SMCHD1: variants seen among roughly 807,000 people sequenced by gnomAD.
The protein encoded by SMCHD1 is structural maintenance of chromosomes flexible hinge domain-containing protein 1.
In SMCHD1, 78 loss-of-function variants were observed where a neutral mutation model predicts 254.7. The observed-to-expected ratio is 0.31, with a 90% CI of 0.26 to 0.37. SMCHD1 has a LOEUF of 0.37. Among genes scored for constraint, SMCHD1 ranks in the 10% least tolerant of loss-of-function variants. The pLI, the probability that SMCHD1 is intolerant of heterozygous loss-of-function variation, is 1.00. For synonymous variants in SMCHD1, 766 were observed against 794.9 expected (o/e 0.96, Z 0.61); for missense variants, 1,840 against 2,408.1 (o/e 0.76, Z 4.94).
chr18:2,753,155 G>C (rs1045245715), intron 34 of SMCHD1: 2 of 152,234 alleles, frequency 1.3e-5, no homozygotes, highest in Admixed American at 1.3e-4. Context: ...CTCCTGATTT[G>C]GTCTTATTTA....
chr18:2,664,003 C>T (rs1263388565), intron 1 of SMCHD1, among the ~76,000 whole-genome samples: 2 of 152,168 alleles, frequency 1.3e-5, no homozygotes, highest in Non-Finnish European at 2.9e-5. Flanking sequence ...GTTTGAGCCA[C>T]CGCGCCCGGC....
intron 5 of SMCHD1, among the ~76,000 whole-genome samples, chr18:2,681,810 A>G (rs2073936528): frequency 6.6e-6 from 1 of 152,048 alleles, no homozygotes. Context: ...TGCACTTTCA[A>G]CTTGCCCATC....
intron 4 of SMCHD1, 41 bp downstream of exon 4, chr18:2,673,404 T>G: frequency 7.5e-7 from 1 of 1,337,182 alleles, no homozygotes; most frequent in Non-Finnish European, 1.0e-6. Context: ...CTTTTCCTTT[T>G]GTAAGAGTAA....
Position 2,769,790 on chromosome 18 carries a change from C to T in SMCHD1, c.4816C>T (p.Pro1606Ser). The change falls in exon 38 of 48, where the codon CCA (proline) becomes TCA (serine). Residue 1606 changes from proline (P) to serine (S), a missense_variant. This residue lies in a region of SMCHD1 where 881 missense variants were observed against 1,009.5 expected (regional missense o/e 0.87). Coordinates refer to ENST00000320876, the MANE Select transcript of SMCHD1 (RefSeq NM_015295.3). ...RLPLLSRTLE[P>S]YILPFMFYND... Reference sequence around the variant, plus strand: ...ACCACTTTTATCAAGAACCTTAGAACCATATATCCTACCGTTCATGTTTTA... The same window carrying T: ...ACCACTTTTATCAAGAACCTTAGAATCATATATCCTACCGTTCATGTTTTA... 1.2e-6 allele frequency: 2 copies of T among 1,605,114 alleles called. No individual in the cohort carries two copies. Among genetic ancestry groups the T allele is most frequent in the South Asian group, 1.1e-5 (1 of 89,816 alleles).
chr18:2,740,947 G>A lies in SMCHD1; in HGVS notation c.3633+126G>A, dbSNP rs1216928082. ...GTTTTTAAATTGAAAAGTCATAAAA[G>A]GCATTTTAAAAACTTGAAAAAGTTT... On this transcript the variant is annotated intron_variant, in intron 28 of 47. Coordinates refer to ENST00000320876, the MANE Select transcript of SMCHD1 (RefSeq NM_015295.3). The A allele has an allele frequency of 2.7e-5, 15 of 565,518 alleles. No individual in the cohort carries two copies. In the East Asian group the frequency reaches 3.8e-4, roughly 14 times the overall value. The allele number at this position is 565,518 out of a possible 1,614,324, so 35.0% of individuals were successfully genotyped here.
intron 24 of SMCHD1, among the ~76,000 whole-genome samples, 173 bp downstream of exon 24, chr18:2,729,582 ATT>A (rs1332217990): frequency 6.6e-6 from 1 of 152,258 alleles, no homozygotes; most frequent in East Asian, 1.9e-4. Context: ...CTATTTTAAC[ATT>A]TTGTGTCAAA....
intron 3 of SMCHD1, among the ~76,000 whole-genome samples, chr18:2,671,936 A>C (rs1395217008): frequency 6.6e-6 from 1 of 151,992 alleles, no homozygotes; most frequent in East Asian, 1.9e-4. Context: ...AACTGATCCA[A>C]GCCTTAACTG....
rs151260436 is a variant in SMCHD1 at position 2,776,955 on chromosome 18, A to G, written c.5367-851A>G. Reference sequence around the variant, plus strand: ...TTGCCCAGGCTGGAGTGCAGTGGCTACTCACAGGCACAGTCATAGCTCACT... The same window carrying G: ...TTGCCCAGGCTGGAGTGCAGTGGCTGCTCACAGGCACAGTCATAGCTCACT... On this transcript the variant is annotated intron_variant, in intron 42 of 47. Transcript: ENST00000320876. Among the ~76,000 whole-genome samples, 313 of 152,016 alleles carry G rather than the reference A, an allele frequency of 2.1e-3. 1 individual carries two copies. Among genetic ancestry groups the G allele is most frequent in the African/African-American group, 7.0e-3 (291 of 41,446 alleles).
At chr18:2,729,200 T>G in intron 23 of SMCHD1, 75 bp from the exon 24 acceptor site, 1 of 1,223,134 alleles carries the variant, frequency 8.2e-7, no homozygotes, top group East Asian at 2.9e-5. Flanking sequence ...CTGAATTATT[T>G]GAAACTTTGA....
rs551110847 is a variant in SMCHD1 at position 2,758,379 on chromosome 18, C to CTTAA, written c.4347-2272_4347-2269dup. Among the ~76,000 whole-genome samples the CTTAA allele has an allele frequency of 2.6e-5, 4 of 152,178 alleles. No individual in the cohort carries two copies. The South Asian group carries it at 8.3e-4, about 32-fold the overall frequency. On this transcript the variant is annotated intron_variant, in intron 34 of 47. Transcript: ENST00000320876. ...GTAACAATTTGTATTTTTTTACCTT[C>CTTAA]TTAAGCAGTGCATGGATCTTAGAAC...
intron 19 of SMCHD1, among the ~76,000 whole-genome samples, chr18:2,719,763 A>C (rs1238307466): frequency 7.1e-6 from 1 of 140,842 alleles, no homozygotes; most frequent in Non-Finnish European, 1.6e-5. Flanking sequence ...GCAACCTCTG[A>C]CTCCCAGTTT....
At chr18:2,687,721 A>G (rs2074084086) in intron 5 of SMCHD1, among the ~76,000 whole-genome samples, 1 of 151,820 alleles carries the variant, frequency 6.6e-6, no homozygotes, top group African/African-American at 2.4e-5. Flanking sequence ...CCACTTTGAT[A>G]TTTTCAGTTT....
intron 17 of SMCHD1, among the ~76,000 whole-genome samples, chr18:2,711,043 C>T (rs1013655618): frequency 3.9e-5 from 6 of 152,110 alleles, no homozygotes; most frequent in Admixed American, 2.0e-4. Flanking sequence ...GCGGCACAGT[C>T]GTGGCTTACT....
chr18:2,711,000 G>A (rs939347708), intron 17 of SMCHD1, among the ~76,000 whole-genome samples: 7 of 151,584 alleles, frequency 4.6e-5, no homozygotes, highest in Non-Finnish European at 1.0e-4. Flanking sequence ...TTTTTGAGAC[G>A]GGTTCTCACT....
intron 19 of SMCHD1, among the ~76,000 whole-genome samples, chr18:2,719,643 A>T (rs569741069): frequency 6.8e-6 from 1 of 148,090 alleles, no homozygotes; most frequent in Non-Finnish European, 1.5e-5. Context: ...CCCAGGCTGG[A>T]GTGCAGTGGT....
At chr18:2,698,251 C>T (rs1239184650) in intron 10 of SMCHD1, among the ~76,000 whole-genome samples, 1 of 152,094 alleles carries the variant, frequency 6.6e-6, no homozygotes, top group African/African-American at 2.4e-5. Context: ...CTTTAATGAA[C>T]TCTTCTTTTA....
At chr18:2,766,618 G>GT (rs2075873590) in intron 37 of SMCHD1, among the ~76,000 whole-genome samples, 1 of 152,180 alleles carries the variant, frequency 6.6e-6, no homozygotes. Flanking sequence ...CACAACCAAT[G>GT]TTTGTAAATG....
Position 2,697,685 on chromosome 18 carries a change from A to G in SMCHD1, c.1132-146A>G, listed in dbSNP as rs62084202. On this transcript the variant is annotated intron_variant, in intron 9 of 47. Transcript: ENST00000320876. ...GATGCTACTTAAAGCTGTTTAACTC[A>G]TATGTAAATATATGTATTTCATTAA... The G allele has an allele frequency of 0.21, 130,439 of 612,148 alleles. 14,860 individuals are homozygous for G. The highest frequency in any genetic ancestry group is 0.28 in the Admixed American group (9,458 of 33,912). 37.9% of individuals were successfully genotyped at this position (612,148 alleles called of 1,614,324 possible). A position where few individuals can be genotyped will look rare whatever the true frequency, so the allele number is the denominator to read the frequency against.
chr18:2,684,740 TTTTA>T (rs770575704), intron 5 of SMCHD1, among the ~76,000 whole-genome samples: 6 of 150,604 alleles, frequency 4.0e-5, no homozygotes, highest in Non-Finnish European at 8.9e-5. Context: ...TGTGATTCCA[TTTTA>T]TTTCCTTTTT....
Sources: allele counts gnomAD v4.1 joint callset (sites outside exome capture counted in the v4.1 genomes callset), GRCh38; gene constraint gnomAD v4.1.1; regional missense constraint gnomAD v4.1.1; transcripts MANE v1.5; gene names NCBI Gene and HGNC (gene_info 2026-07-23, HGNC 2026-07-21).